CELA1: variants seen among roughly 807,000 people sequenced by gnomAD.
The protein encoded by CELA1 is chymotrypsin like elastase 1.
In CELA1, 28 loss-of-function variants were observed where a neutral mutation model predicts 34.8. The observed-to-expected ratio is 0.80, with a 90% CI of 0.60 to 1.10. The LOEUF is 1.10. Among genes scored for constraint, CELA1 ranks in the 50% least tolerant of loss-of-function variants. The pLI, the probability that CELA1 is intolerant of heterozygous loss-of-function variation, is 0.00. For missense variants in CELA1, 288 were observed against 327.5 expected (o/e 0.88, Z 0.93); for synonymous variants, 140 against 129.8 (o/e 1.08, Z -0.53).
rs756589745 is a variant in CELA1, at chr12:51,340,024, A to T, written c.464-19T>A. The stretch of plus-strand genomic sequence containing the variant: ...CCATTGGCTGAACAGGACACACGGC[A>T]TTGGCAGTCAGCTCCAGATGTGGTC... On this transcript the variant is annotated intron_variant, in intron 5 of 7. Transcript: ENST00000293636. 6 of 1,607,212 alleles carry T rather than the reference A, an allele frequency of 3.7e-6. No homozygotes were observed. The South Asian group carries it at 6.6e-5, about 18-fold the overall frequency.
chr12:51,333,082 C>T (rs1946479867), intron 6 of CELA1, among the ~76,000 whole-genome samples: 1 of 145,334 alleles, frequency 6.9e-6, no homozygotes, highest in South Asian at 2.3e-4. Flanking sequence ...GATGTGTAGC[C>T]CCACTCCCCG....
At chr12:51,342,029 C>T (rs1323492032) in intron 4 of CELA1, among the ~76,000 whole-genome samples, 8 of 152,100 alleles carry the variant, frequency 5.3e-5, no homozygotes, top group Non-Finnish European at 1.0e-4. Context: ...CTCTCAAGCC[C>T]TCCAGAACGT....
chr12:51,329,785 C>T lies in CELA1; in HGVS notation c.658G>A (p.Val220Ile). 6.2e-7 allele frequency: 1 copy of T among 1,613,454 alleles called. No homozygotes were observed. The highest frequency in any genetic ancestry group is 1.1e-5 in the South Asian group (1 of 91,002). ...GACACAAAGCTGGTCACTCCATGGA[C>T]AGAATACTTGCCATTCACCAAGCAA... ...LHCLVNGKYS[V>I]HGVTSFVSSR... is the part of the protein sequence containing the mutation. The change falls in exon 7 of 8, where the codon GTC becomes ATC. Residue 220 changes from valine to isoleucine, a missense_variant. By Grantham distance (29) the Val-to-Ile change is conservative. Transcript: ENST00000293636.
intron 4 of CELA1, 126 bp from the exon 5 acceptor site, chr12:51,341,506 G>A (rs551917664): frequency 5.0e-6 from 5 of 993,522 alleles, no homozygotes; most frequent in African/African-American, 3.2e-5. Context: ...GAAGAAGGAC[G>A]GGGCTCACTT....
chr12:51,328,514 A>G lies in CELA1; in HGVS notation c.*63T>C. On this transcript the variant is annotated 3_prime_UTR_variant, in exon 8 of 8. Coordinates refer to ENST00000293636, the MANE Select transcript of CELA1 (RefSeq NM_001971.6). ...CTTTCAGAATGTGTTTTACTTTTTG[A>G]TCGCAAGTCCTACTGCAGATCTAAG... 1 of 1,558,864 alleles carries G rather than the reference A, an allele frequency of 6.4e-7. No homozygotes were observed. Among genetic ancestry groups the G allele is most frequent in the African/African-American group, 1.4e-5 (1 of 73,910 alleles).
At chr12:51,333,433 G>A (rs1042179054) in intron 6 of CELA1, among the ~76,000 whole-genome samples, 10 of 140,488 alleles carry the variant, frequency 7.1e-5, no homozygotes, top group African/African-American at 2.6e-4. Context: ...CAGAGCCTCT[G>A]CCCAGGCTGG....
chr12:51,339,728 T>C, intron 6 of CELA1, 132 bp downstream of exon 6: 1 of 833,070 alleles, frequency 1.2e-6, no homozygotes, highest in Non-Finnish European at 1.9e-6. Flanking sequence ...TCATTCTCAC[T>C]TAGACGCCAG....
chr12:51,345,946 G>A (rs1946563128), intron 1 of CELA1, 69 bp from the exon 2 acceptor site: 1 of 1,088,356 alleles, frequency 9.2e-7, no homozygotes, highest in Non-Finnish European at 1.3e-6. Flanking sequence ...GGTGGGGGGT[G>A]GCGATTGTGC....
rs201074609 is a variant in CELA1 at position 51,346,645 on chromosome 12, G to A, written c.-7C>T. The A allele has an allele frequency of 2.7e-5, 43 of 1,595,870 alleles. No individual in the cohort carries two copies. The highest frequency in any genetic ancestry group is 3.5e-5 in the Non-Finnish European group (41 of 1,164,416). On this transcript the variant is annotated 5_prime_UTR_variant, in exon 1 of 8. Transcript: ENST00000293636. ...TACCATAAAGGACCAGCATGTTGCCGATGGAGTAGACCACTGCCTTCTTGC... is the reference window on the plus strand; with the variant it reads ...TACCATAAAGGACCAGCATGTTGCCAATGGAGTAGACCACTGCCTTCTTGC...
At chr12:51,334,744 ATT>A (rs1385739113) in intron 6 of CELA1, among the ~76,000 whole-genome samples, 1 of 151,880 alleles carries the variant, frequency 6.6e-6, no homozygotes, top group African/African-American at 2.4e-5. Flanking sequence ...TAATCCTTTC[ATT>A]TTTTATAGTT....
At chr12:51,332,651 C>T (rs1046666996) in intron 6 of CELA1, among the ~76,000 whole-genome samples, 5 of 151,756 alleles carry the variant, frequency 3.3e-5, no homozygotes, top group Admixed American at 6.6e-5. Context: ...GATCACGTGA[C>T]GCCAGGAGTT....
intron 6 of CELA1, among the ~76,000 whole-genome samples, chr12:51,334,747 T>G (rs1321109475): frequency 6.6e-6 from 1 of 152,236 alleles, no homozygotes; most frequent in African/African-American, 2.4e-5. Flanking sequence ...TCCTTTCATT[T>G]TTTATAGTTT....
chr12:51,343,635 G>A (rs1163471391), intron 3 of CELA1, 118 bp downstream of exon 3: 6 of 646,318 alleles, frequency 9.3e-6, no homozygotes, highest in East Asian at 8.3e-5. Context: ...GAACAGGAAA[G>A]GAGCCACTGC....
rs76813052 is a variant in CELA1 at position 51,329,819 on chromosome 12, G to GA, written c.623_624insT (p.Leu210ProfsTer24). 1.5e-5 allele frequency: 24 copies of GA among 1,611,166 alleles called. No individual in the cohort carries two copies. The highest frequency in any genetic ancestry group is 1.9e-5 in the Non-Finnish European group (22 of 1,179,024). ...TGCCATTCACCAAGCAATGGAGGGG[G>GA]CCCCCAGAGTCACCCTGCAGGGAGG... On this transcript the variant is annotated frameshift_variant, in exon 7 of 8. Transcript: ENST00000293636. LOFTEE classifies it high-confidence loss of function.
chr12:51,331,920 G>C lies in CELA1; in HGVS notation c.610-2087C>G, dbSNP rs544665686. Among the ~76,000 whole-genome samples the C allele has an allele frequency of 5.9e-5, 9 of 152,246 alleles. No homozygotes were observed. The East Asian group carries it at 1.7e-3, about 29-fold the overall frequency. On this transcript the variant is annotated intron_variant, in intron 6 of 7. Transcript: ENST00000293636. ...GGGCTGACCTTGGTGGTTTATGACT[G>C]TAATCCCAGCACTTTGGGAGGCTGA...
intron 6 of CELA1, among the ~76,000 whole-genome samples, chr12:51,333,096 ATT>A (rs368851452): frequency 7.1e-6 from 1 of 141,656 alleles, no homozygotes. Context: ...CTCCCCGTTA[ATT>A]TTTTTTTTTT....
rs1232212815 is a variant in CELA1, at chr12:51,342,662, A to T, written c.239T>A (p.Leu80Gln). Residue 80 changes from leucine (L) to glutamine (Q), a missense_variant, in exon 4 of 8, where the codon CTG becomes CAG. Physicochemically the swap from Leu to Gln is moderately radical, Grantham distance 113. Coordinates refer to ENST00000293636, the MANE Select transcript of CELA1 (RefSeq NM_001971.6). ...TFRVVAGDHN[L>Q]SQNDGTEQYV... The stretch of plus-strand genomic sequence containing the variant: ...CTGCTCAGTGCCATCATTCTGGCTC[A>T]GGTTATGGTCTCCAGCCACCACGCG... 6.2e-7 allele frequency: 1 copy of T among 1,614,194 alleles called. No individual in the cohort carries two copies. The highest frequency in any genetic ancestry group is 2.2e-5 in the East Asian group (1 of 44,886).
At chr12:51,338,433 G>A (rs1946513901) in intron 6 of CELA1, among the ~76,000 whole-genome samples, 1 of 152,018 alleles carries the variant, frequency 6.6e-6, no homozygotes, top group Admixed American at 6.6e-5. Context: ...CTTAGGGAAT[G>A]CCCCATAATT....
chr12:51,346,285 C>A (rs1472564879), intron 1 of CELA1, among the ~76,000 whole-genome samples: 1 of 151,342 alleles, frequency 6.6e-6, no homozygotes, highest in Admixed American at 6.6e-5. Context: ...CCCAGCCAGG[C>A]ACCTGCTGAG....
Sources: allele counts gnomAD v4.1 joint callset (sites outside exome capture counted in the v4.1 genomes callset), GRCh38; gene constraint gnomAD v4.1.1; transcripts MANE v1.5; gene names NCBI Gene and HGNC (gene_info 2026-07-23, HGNC 2026-07-21).